Variants in MAPRE2 observed in about 807,000 individuals in gnomAD.
MAPRE2 encodes the protein microtubule associated protein RP/EB family member 2, also known as microtubule-associated protein RP/EB family member 2.
In MAPRE2, 13 loss-of-function variants were observed where a neutral mutation model predicts 43.2. That is an observed-to-expected ratio of 0.30 (90% CI 0.20 to 0.48). MAPRE2 has a LOEUF of 0.48. MAPRE2 is among the 20% of genes least tolerant of loss of function. The pLI, the probability that MAPRE2 is intolerant of heterozygous loss-of-function variation, is 0.99. For synonymous variants in MAPRE2, 135 were observed against 148.8 expected, an observed-to-expected ratio of 0.91 and a Z score of 0.68; for missense variants, 161 against 400.2, an observed-to-expected ratio of 0.40 and a Z score of 5.10.
Position 35,142,980 on chromosome 18 carries a change from G to T in MAPRE2, c.*2611G>T, listed in dbSNP as rs1194425455. ...CCCCCCTCGTGCCCGCTGTCGGCTGGTTATAGCACTTCCACTGCTACTGTC... is the reference window on the plus strand; with the variant it reads ...CCCCCCTCGTGCCCGCTGTCGGCTGTTTATAGCACTTCCACTGCTACTGTC... On this transcript the variant is annotated 3_prime_UTR_variant, in exon 7 of 7. Coordinates refer to ENST00000300249, the MANE Select transcript of MAPRE2 (RefSeq NM_014268.4). The T allele has an allele frequency of 6.6e-6, 1 of 150,640 alleles. No individual in the cohort carries two copies. Among genetic ancestry groups the T allele is most frequent in the Non-Finnish European group, 1.5e-5 (1 of 67,780 alleles). 9.3% of individuals were successfully genotyped at this position (150,640 alleles called of 1,614,324 possible).
rs1910632076 is a variant in MAPRE2 at position 35,141,447 on chromosome 18, A to G, written c.*1078A>G. 1 of 152,150 alleles carries G rather than the reference A, an allele frequency of 6.6e-6. No homozygotes were observed. The allele number at this position is 152,150 out of a possible 1,614,324, so 9.4% of individuals were successfully genotyped here. A position where few individuals can be genotyped will look rare whatever the true frequency, so the allele number is the denominator to read the frequency against. On this transcript the variant is annotated 3_prime_UTR_variant, in exon 7 of 7. Coordinates refer to ENST00000300249, the MANE Select transcript of MAPRE2 (RefSeq NM_014268.4). The stretch of plus-strand genomic sequence containing the variant: ...CATGGTTCTGCAGTCTGGTGTAGAC[A>G]CTGGAATAACAGCACAGAAAAATCT...
At chr18:34,981,883 ATTT>A (rs1568959661) in intron 1 of MAPRE2, among the ~76,000 whole-genome samples, 20 of 134,636 alleles carry the variant, frequency 1.5e-4, no homozygotes, top group East Asian at 8.7e-4. Context: ...TTTTATTTTT[ATTT>A]ATTTTTTTTT....
intron 1 of MAPRE2, among the ~76,000 whole-genome samples, chr18:34,983,833 T>G (rs9955778): frequency 0.59 from 89,066 of 151,448 alleles, 26,713 homozygotes; most frequent in East Asian, 0.73. Context: ...TTTCACCATG[T>G]TGGCCAGGTT....
chr18:35,097,374 C>A, intron 2 of MAPRE2, 72 bp from the exon 3 acceptor site: 1 of 1,406,574 alleles, frequency 7.1e-7, no homozygotes, highest in Non-Finnish European at 9.9e-7. Flanking sequence ...CAATCCCCTT[C>A]CAGCCTAGCA....
At position 34,985,490 on chromosome 18, in the gene MAPRE2, G is replaced by GCA. The variant is rs1568961911; in HGVS notation, c.-70+8411_-70+8412insCA. On this transcript the variant is annotated intron_variant, in intron 1 of 7. Transcript: ENST00000413393. Reference sequence around the variant, plus strand: ...TTATATAATATATAATATATATATTGTATATTATATAATATATAATATATA... The same window carrying GCA: ...TTATATAATATATAATATATATATTGCATATATTATATAATATATAATATATA... Among the ~76,000 whole-genome samples, 23 of 31,088 alleles carry GCA rather than the reference G, an allele frequency of 7.4e-4. 5 individuals are homozygous for GCA. Among genetic ancestry groups the GCA allele is most frequent in the African/African-American group, 1.7e-3 (13 of 7,660 alleles). 20.4% of individuals were successfully genotyped at this position (31,088 alleles called of 152,430 possible).
intron 2 of MAPRE2, among the ~76,000 whole-genome samples, chr18:35,095,404 A>ACACG (rs1908369560): frequency 6.8e-6 from 1 of 147,316 alleles, no homozygotes; most frequent in South Asian, 2.2e-4. Context: ...ACACACACGC[A>ACACG]CACACACACT....
chr18:35,038,929 C>A (rs3937008), upstream of MAPRE2, among the ~76,000 whole-genome samples: 52,163 of 152,046 alleles, frequency 0.34, 10,311 homozygotes, highest in Non-Finnish European at 0.44. Flanking sequence ...TCACCTGACT[C>A]ACAGCCCCTC....
intron 1 of MAPRE2, among the ~76,000 whole-genome samples, chr18:35,057,079 A>T (rs1299491879): frequency 6.6e-6 from 1 of 152,126 alleles, no homozygotes; most frequent in Non-Finnish European, 1.5e-5. Context: ...CAATGGCGCA[A>T]TCTCAGCTCA....
intron 4 of MAPRE2, among the ~76,000 whole-genome samples, chr18:35,108,732 C>CT (rs370443059): frequency 1.2e-3 from 167 of 141,218 alleles, no homozygotes; most frequent in Admixed American, 3.3e-3. Context: ...TGATGTTGAG[C>CT]TTTTTTTTTT....
intron 4 of MAPRE2, among the ~76,000 whole-genome samples, chr18:35,116,545 C>A (rs1207767550): frequency 6.6e-6 from 1 of 152,164 alleles, no homozygotes. Flanking sequence ...TGTTTCCAAG[C>A]CCCCTCAAGT....
At chr18:35,111,716 A>G (rs1255305916) in intron 4 of MAPRE2, among the ~76,000 whole-genome samples, 1 of 152,234 alleles carries the variant, frequency 6.6e-6, no homozygotes, top group Non-Finnish European at 1.5e-5. Context: ...TTATTATTGC[A>G]AAGTGGCACT....
chr18:35,037,164 C>T (rs1603392425), upstream of MAPRE2, among the ~76,000 whole-genome samples: 1 of 146,794 alleles, frequency 6.8e-6, no homozygotes, highest in Non-Finnish European at 1.5e-5. Flanking sequence ...AAGCCTGAGG[C>T]TTTTTTTTTT....
At chr18:35,131,800 A>G in intron 5 of MAPRE2, 1 of 513,578 alleles carries the variant, frequency 1.9e-6, no homozygotes, top group East Asian at 3.2e-5. Flanking sequence ...GTCCCTGGTT[A>G]ATAAACGCTC....
chr18:34,978,477 G>C, intron 1 of MAPRE2: 1 of 1,547,598 alleles, frequency 6.5e-7, no homozygotes, highest in Non-Finnish European at 8.7e-7. Flanking sequence ...TCTAATCTGA[G>C]GACCCGCGAT....
At chr18:35,070,545 A>G (rs1907061263) in intron 2 of MAPRE2, 2 of 334,148 alleles carry the variant, frequency 6.0e-6, no homozygotes, top group Non-Finnish European at 1.1e-5. Context: ...ACGTATTGGA[A>G]AGGTCTCTTG....
At chr18:35,096,992 A>G (rs1908456244) in intron 2 of MAPRE2, among the ~76,000 whole-genome samples, 2 of 152,342 alleles carry the variant, frequency 1.3e-5, no homozygotes, top group South Asian at 4.1e-4. Flanking sequence ...TACACATTTC[A>G]TGAGAACTTT....
chr18:35,050,663 G>A (rs190283013), intron 1 of MAPRE2, among the ~76,000 whole-genome samples: 196 of 152,234 alleles, frequency 1.3e-3, no homozygotes, highest in Middle Eastern at 0.01. Context: ...ACAGCAAAGG[G>A]CCCTAAAACT....
chr18:35,110,629 C>G (rs1441421835), intron 4 of MAPRE2, among the ~76,000 whole-genome samples: 1 of 152,054 alleles, frequency 6.6e-6, no homozygotes, highest in Non-Finnish European at 1.5e-5. Flanking sequence ...TCCTGCAGGT[C>G]CAGTGGCAAA....
chr18:35,046,503 G>T (rs1452656407), intron 1 of MAPRE2, among the ~76,000 whole-genome samples: 1 of 152,204 alleles, frequency 6.6e-6, no homozygotes, highest in African/African-American at 2.4e-5. Flanking sequence ...CACTGGCCTG[G>T]CCAGGTGTGT....
Sources: allele counts gnomAD v4.1 joint callset (sites outside exome capture counted in the v4.1 genomes callset), GRCh38; gene constraint gnomAD v4.1.1; transcripts MANE v1.5; gene names NCBI Gene and HGNC (gene_info 2026-07-23, HGNC 2026-07-21).